Variants in ATP2B2 observed in about 807,000 individuals in gnomAD.
The protein encoded by ATP2B2 is plasma membrane calcium-transporting ATPase 2.
In ATP2B2, 15 loss-of-function variants were observed where a neutral mutation model predicts 120.0. That is an observed-to-expected ratio of 0.12 (90% CI 0.08 to 0.19). ATP2B2 has a LOEUF of 0.19. ATP2B2 is among the 10% of genes least tolerant of loss of function. The pLI, the probability that ATP2B2 is intolerant of heterozygous loss-of-function variation, is 1.00. For missense variants in ATP2B2, 1,045 were observed against 1,719.8 expected, an observed-to-expected ratio of 0.61 and a Z score of 6.94; for synonymous variants, 694 against 700.3, an observed-to-expected ratio of 0.99 and a Z score of 0.14.
chr3:10,650,978 G>C (rs2070446076), intron 1 of ATP2B2, among the ~76,000 whole-genome samples: 1 of 152,220 alleles, frequency 6.6e-6, no homozygotes, highest in Non-Finnish European at 1.5e-5. Flanking sequence ...TTTTGGACTT[G>C]AGTGGGGCCT....
chr3:10,402,435 AG>A lies in ATP2B2; in HGVS notation c.398-88del. 4.5e-6 allele frequency: 7 copies of A among 1,562,098 alleles called. No homozygotes were observed. Among genetic ancestry groups the A allele is most frequent in the Non-Finnish European group, 6.1e-6 (7 of 1,144,290 alleles). ...CTGGATTTACAGCTCAGCTCTGCAA[AG>A]TAACAAGTGTTAAGAATCAGATGAT... On this transcript the variant is annotated intron_variant, in intron 3 of 22. Coordinates refer to ENST00000360273, the MANE Select transcript of ATP2B2 (RefSeq NM_001001331.4). The surrounding 1 kb of genome is among the most constrained non-coding windows in gnomAD (Gnocchi z 4.9).
intron 2 of ATP2B2, among the ~76,000 whole-genome samples, chr3:10,612,698 C>T (rs2069274823): frequency 1.3e-5 from 2 of 152,198 alleles, no homozygotes; most frequent in South Asian, 4.1e-4. Flanking sequence ...ACTTTGATAT[C>T]TAATGAACAT....
chr3:10,551,739 A>G (rs968170095), intron 2 of ATP2B2, among the ~76,000 whole-genome samples: 7 of 152,140 alleles, frequency 4.6e-5, no homozygotes, highest in Admixed American at 1.3e-4. Context: ...TCTGTCTCCA[A>G]TTCCAAAAGC....
rs2059870642 is a variant in ATP2B2 at position 10,327,052 on chromosome 3, A to G, written c.*1762T>C. On this transcript the variant is annotated 3_prime_UTR_variant, in exon 23 of 23. Transcript: ENST00000360273. The stretch of plus-strand genomic sequence containing the variant: ...ATTCAAAATGTCTTTTGCACTGTAC[A>G]AGTTTATGGAAAAAAGATCATATGC... 1 of 394,180 alleles carries G rather than the reference A, an allele frequency of 2.5e-6. No individual in the cohort carries two copies. The highest frequency in any genetic ancestry group is 4.5e-6 in the Non-Finnish European group (1 of 223,724). 24.4% of individuals were successfully genotyped at this position (394,180 alleles called of 1,614,324 possible).
At chr3:10,654,691 G>T (rs2070564569) in intron 1 of ATP2B2, among the ~76,000 whole-genome samples, 1 of 151,902 alleles carries the variant, frequency 6.6e-6, no homozygotes, top group African/African-American at 2.4e-5. Flanking sequence ...TAACAGGAGT[G>T]CTTGGAACTG....
rs776463160 is a variant in ATP2B2, at chr3:10,359,967, G to A, written c.1816C>T (p.Arg606Cys). 8 of 1,614,110 alleles carry A rather than the reference G, an allele frequency of 5.0e-6. No individual in the cohort carries two copies. The highest frequency in any genetic ancestry group is 1.1e-5 in the South Asian group (1 of 91,092). ...TTGATGACAGTGCTCATGGACTTGC[G>A]CACGGAGTTGAAGGTGTACACTTTG... is the stretch of plus-strand genomic sequence containing the variant. ...LYKVYTFNSV[R>C]KSMSTVIKLP... The change falls in exon 13 of 23, where the codon CGC becomes TGC. Residue 606 changes from arginine (R) to cysteine (C), a missense_variant. This residue lies in a region of ATP2B2 where 343 missense variants were observed against 536.8 expected (regional missense o/e 0.64). Coordinates refer to ENST00000360273, the MANE Select transcript of ATP2B2 (RefSeq NM_001001331.4).
Position 10,340,233 on chromosome 3 carries a change from G to T in ATP2B2, c.3237+9C>A. The T allele has an allele frequency of 6.2e-7, 1 of 1,613,734 alleles. No homozygotes were observed. The highest frequency in any genetic ancestry group is 1.1e-5 in the South Asian group (1 of 90,996). The stretch of plus-strand genomic sequence containing the variant: ...AACAGGCACCTCCTGCGACCTACCA[G>T]GAACTTACCTGGCCCCAAACGAGCT... On this transcript the variant is annotated intron_variant, in intron 21 of 22. Transcript: ENST00000360273. The surrounding 1 kb of genome is among the most constrained non-coding windows in gnomAD (Gnocchi z 5.0).
chr3:10,337,746 C>T (rs913087342), intron 22 of ATP2B2, among the ~76,000 whole-genome samples: 6 of 152,044 alleles, frequency 3.9e-5, no homozygotes, highest in African/African-American at 1.4e-4. Flanking sequence ...GGCGGCGGAC[C>T]CCCTGACCAC....
chr3:10,439,905 C>T (rs914450347), intron 2 of ATP2B2, among the ~76,000 whole-genome samples: 7 of 151,222 alleles, frequency 4.6e-5, no homozygotes, highest in African/African-American at 1.7e-4. Flanking sequence ...CAAGCGTGTA[C>T]CACCACACCC....
At chr3:10,465,707 G>A (rs985862249) in intron 1 of ATP2B2, among the ~76,000 whole-genome samples, 1 of 152,212 alleles carries the variant, frequency 6.6e-6, no homozygotes, top group African/African-American at 2.4e-5. Context: ...TTCAAATCAG[G>A]TCTTCACTAC....
intron 1 of ATP2B2, among the ~76,000 whole-genome samples, chr3:10,625,408 G>A (rs570668375): frequency 1.1e-4 from 17 of 152,254 alleles, no homozygotes; most frequent in Non-Finnish European, 2.2e-4. Context: ...AGATAAGAAC[G>A]GGTCAGGGCC....
chr3:10,693,340 A>C (rs1559524861), intron 1 of ATP2B2, among the ~76,000 whole-genome samples: 1 of 152,210 alleles, frequency 6.6e-6, no homozygotes, highest in Non-Finnish European at 1.5e-5. Context: ...CAACCTGTGA[A>C]ATGGGTACAA....
intron 3 of ATP2B2, among the ~76,000 whole-genome samples, chr3:10,520,896 A>G (rs1317444802): frequency 2.0e-5 from 3 of 152,054 alleles, no homozygotes; most frequent in African/African-American, 7.2e-5. Context: ...AGTGGCAACT[A>G]GACTATGTCA....
At position 10,327,050 on chromosome 3, in the gene ATP2B2, A is replaced by T. The variant is rs1311737597; in HGVS notation, c.*1764T>A. On this transcript the variant is annotated 3_prime_UTR_variant, in exon 23 of 23. Coordinates refer to ENST00000360273, the MANE Select transcript of ATP2B2 (RefSeq NM_001001331.4). Reference sequence around the variant, plus strand: ...GTATTCAAAATGTCTTTTGCACTGTACAAGTTTATGGAAAAAAGATCATAT... The same window carrying T: ...GTATTCAAAATGTCTTTTGCACTGTTCAAGTTTATGGAAAAAAGATCATAT... 1 of 394,832 alleles carries T rather than the reference A, an allele frequency of 2.5e-6. No individual in the cohort carries two copies. Among genetic ancestry groups the T allele is most frequent in the Non-Finnish European group, 4.5e-6 (1 of 224,078 alleles). The allele number at this position is 394,832 out of a possible 1,614,324, so 24.5% of individuals were successfully genotyped here.
chr3:10,667,036 C>T (rs1202507486), intron 1 of ATP2B2, among the ~76,000 whole-genome samples: 2 of 152,196 alleles, frequency 1.3e-5, no homozygotes, highest in African/African-American at 4.8e-5. Flanking sequence ...CACTGGGGCT[C>T]AGAGCCTTGG....
At chr3:10,708,025 G>GCTGCCCCGCGCTCGC (rs2071926747), upstream of ATP2B2, 2 of 144,094 alleles carry the variant, frequency 1.4e-5, no homozygotes, top group Non-Finnish European at 3.1e-5. Context: ...CTCTGCCGCG[G>GCTGCCCCGCGCTCGC]CTGCCCCGCG....
chr3:10,614,225 C>A (rs976730781), intron 2 of ATP2B2, among the ~76,000 whole-genome samples: 1 of 152,038 alleles, frequency 6.6e-6, no homozygotes. Context: ...TGTTCACTGC[C>A]GTATTCCTAG....
chr3:10,372,116 G>A, intron 11 of ATP2B2, 65 bp from the exon 12 acceptor site: 1 of 1,608,236 alleles, frequency 6.2e-7, no homozygotes, highest in Non-Finnish European at 8.5e-7. Context: ...GGGGTGCCTG[G>A]AGGCACTGGG....
chr3:10,540,355 G>A (rs1462169735), intron 2 of ATP2B2, among the ~76,000 whole-genome samples: 6 of 152,102 alleles, frequency 3.9e-5, no homozygotes. Context: ...TTGATTCCGT[G>A]ATCCCATTAC....
Sources: allele counts gnomAD v4.1 joint callset (sites outside exome capture counted in the v4.1 genomes callset), GRCh38; gene constraint gnomAD v4.1.1; regional missense constraint gnomAD v4.1.1; non-coding constraint Gnocchi (gnomAD v3.1); transcripts MANE v1.5; gene names NCBI Gene and HGNC (gene_info 2026-07-23, HGNC 2026-07-21).